Variants in PCDHA1 observed in about 807,000 individuals in gnomAD.
PCDHA1 encodes the protein protocadherin alpha 1.
A neutral mutation model predicts 61.3 loss-of-function variants in PCDHA1; 42 were observed. That is an observed-to-expected ratio of 0.69 (90% confidence interval 0.54 to 0.89). The LOEUF is 0.89. Among genes scored for constraint, PCDHA1 ranks in the 40% least tolerant of loss-of-function variants. The pLI, the probability that PCDHA1 is intolerant of heterozygous loss-of-function variation, is 0.00. For missense variants in PCDHA1, 1,256 were observed against 1,235.3 expected (o/e 1.02, Z -0.25); for synonymous variants, 610 against 553.8 (o/e 1.10, Z -1.43).
chr5:140,858,632 C>CT, intron 1 of PCDHA1: 1 of 1,018,812 alleles, frequency 9.8e-7, no homozygotes, highest in Non-Finnish European at 1.4e-6. Context: ...GTGTGTCAGC[C>CT]TTTGATTGGT....
Position 140,857,291 on chromosome 5 carries a change from G to A in PCDHA1, c.2394+68607G>A. 7 of 1,598,730 alleles carry A rather than the reference G, an allele frequency of 4.4e-6. 1 individual carries two copies. Among genetic ancestry groups the A allele is most frequent in the East Asian group, 4.5e-5 (2 of 44,850 alleles). On this transcript the variant is annotated intron_variant, in intron 1 of 3. Transcript: ENST00000504120. ...GGTGCTGGACAGCGCTCTGGACCGC[G>A]AGAGGGTGTCGGCCTATGAGCTGGT...
At chr5:140,996,036 C>T (rs1324761666) in intron 3 of PCDHA1, among the ~76,000 whole-genome samples, 1 of 152,190 alleles carries the variant, frequency 6.6e-6, no homozygotes, top group Non-Finnish European at 1.5e-5. Context: ...GCTCCTAGCA[C>T]TTAACACAGT....
chr5:140,831,464 A>G (rs1771535057), intron 1 of PCDHA1, among the ~76,000 whole-genome samples: 1 of 132,286 alleles, frequency 7.6e-6, no homozygotes, highest in Admixed American at 7.7e-5. Flanking sequence ...GGCTCAAGTG[A>G]TTCTCTCACC....
At chr5:140,836,476 T>G (rs2150261790) in intron 1 of PCDHA1, 1 of 1,613,860 alleles carries the variant, frequency 6.2e-7, no homozygotes, top group South Asian at 1.1e-5. Context: ...GATGTCAACG[T>G]GTACCTGATC....
chr5:140,877,276 G>C, intron 1 of PCDHA1: 2 of 1,613,862 alleles, frequency 1.2e-6, no homozygotes, highest in Non-Finnish European at 1.7e-6. Flanking sequence ...CGCTGACTCC[G>C]GCTATAACGC....
intron 1 of PCDHA1, among the ~76,000 whole-genome samples, chr5:140,900,537 A>G (rs2068113323): frequency 6.6e-6 from 1 of 152,204 alleles, no homozygotes; most frequent in African/African-American, 2.4e-5. Context: ...TCGGCTTTCC[A>G]AAGTGCTGGG....
At chr5:140,959,269 C>A (rs1334380683) in intron 1 of PCDHA1, among the ~76,000 whole-genome samples, 1 of 151,924 alleles carries the variant, frequency 6.6e-6, no homozygotes, top group Non-Finnish European at 1.5e-5. Flanking sequence ...CCCAGCTACC[C>A]AGGAGCCTGA....
chr5:140,925,125 A>G (rs1399052853), intron 1 of PCDHA1, among the ~76,000 whole-genome samples: 2 of 150,878 alleles, frequency 1.3e-5, no homozygotes, highest in African/African-American at 2.4e-5. Flanking sequence ...AAGGAAGGAA[A>G]AAAAATTTCA....
chr5:140,901,839 A>T (rs578262204), intron 1 of PCDHA1, among the ~76,000 whole-genome samples: 1 of 152,108 alleles, frequency 6.6e-6, no homozygotes, highest in Non-Finnish European at 1.5e-5. Flanking sequence ...TAAACATGCA[A>T]TATCTTTCCA....
At chr5:140,802,968 G>A (rs782761119) in intron 1 of PCDHA1, 1 of 1,614,000 alleles carries the variant, frequency 6.2e-7, no homozygotes, top group Non-Finnish European at 8.5e-7. Flanking sequence ...GGGCCACGTG[G>A]TAGCGAAGGT....
chr5:140,990,304 A>C (rs114506238), intron 3 of PCDHA1, among the ~76,000 whole-genome samples: 1 of 152,168 alleles, frequency 6.6e-6, no homozygotes, highest in African/African-American at 2.4e-5. Context: ...CATTGTCTGT[A>C]AAAAACCAAC....
At chr5:140,869,174 G>A (rs2050887580) in intron 1 of PCDHA1, 1 of 1,613,958 alleles carries the variant, frequency 6.2e-7, no homozygotes, top group Non-Finnish European at 8.5e-7. Flanking sequence ...CTCGAATTCT[G>A]GGAGGTGGGG....
intron 1 of PCDHA1, chr5:140,809,439 C>G (rs1187355294): frequency 6.2e-7 from 1 of 1,614,202 alleles, no homozygotes; most frequent in East Asian, 2.2e-5. Flanking sequence ...TGGTCATACT[C>G]GCAGCAGAGG....
chr5:140,878,060 T>C (rs1251415258), intron 1 of PCDHA1: 2 of 426,090 alleles, frequency 4.7e-6, no homozygotes, highest in Non-Finnish European at 7.6e-6. Flanking sequence ...CCACACTTAA[T>C]ATTTTTCTTT....
intron 1 of PCDHA1, chr5:140,968,169 G>A (rs781969621): frequency 6.8e-6 from 11 of 1,613,982 alleles, no homozygotes; most frequent in African/African-American, 1.3e-5. Context: ...AATCCACCAA[G>A]CTTCCTGGAG....
At chr5:140,802,007 TGAA>T in intron 1 of PCDHA1, 1 of 1,614,172 alleles carries the variant, frequency 6.2e-7, no homozygotes, top group Non-Finnish European at 8.5e-7. Flanking sequence ...CCGATTTGGA[TGAA>T]GGAGTAAATA....
At chr5:140,911,709 G>A (rs1029382331) in intron 1 of PCDHA1, among the ~76,000 whole-genome samples, 1 of 151,822 alleles carries the variant, frequency 6.6e-6, no homozygotes, top group Non-Finnish European at 1.5e-5. Context: ...AATTTATTTT[G>A]TGTAACTCTG....
chr5:140,856,563 G>A (rs1554148859), intron 1 of PCDHA1: 3 of 1,597,526 alleles, frequency 1.9e-6, no homozygotes, highest in Middle Eastern at 1.7e-4. Context: ...TACAAACTCA[G>A]TCCAAATGAG....
intron 1 of PCDHA1, among the ~76,000 whole-genome samples, chr5:140,959,954 A>G (rs1054998147): frequency 6.6e-6 from 1 of 152,198 alleles, no homozygotes; most frequent in East Asian, 1.9e-4. Context: ...TATCATAGGT[A>G]GGAGGTAGAT....
Sources: allele counts gnomAD v4.1 joint callset (sites outside exome capture counted in the v4.1 genomes callset), GRCh38; gene constraint gnomAD v4.1.1; transcripts MANE v1.5; gene names NCBI Gene and HGNC (gene_info 2026-07-23, HGNC 2026-07-21).